Variants in EXOSC7 observed in about 807,000 individuals in gnomAD.
The protein encoded by EXOSC7 is exosome component 7.
A neutral mutation model predicts 34.3 loss-of-function variants in EXOSC7; 25 were observed. The ratio of observed to expected loss-of-function variants is 0.73; its 90% confidence interval spans 0.53 to 1.02. The LOEUF (loss-of-function observed/expected upper bound fraction) is 1.02, where lower values mean the gene tolerates loss of function less well. EXOSC7 is among the 50% of genes least tolerant of loss of function. EXOSC7 has a pLI of 0.00. For missense variants in EXOSC7, 370 were observed against 368.5 expected (o/e 1.00, Z -0.03); for synonymous variants, 130 against 143.0 (o/e 0.91, Z 0.65).
At chr3:44,985,419 G>A (rs368066482) in intron 1 of EXOSC7, among the ~76,000 whole-genome samples, 1 of 151,702 alleles carries the variant, frequency 6.6e-6, no homozygotes, top group African/African-American at 2.4e-5. Flanking sequence ...CGGCGTGTCC[G>A]GAGTTGTTCC....
At chr3:45,008,765 G>C (rs1481475073) in intron 7 of EXOSC7, among the ~76,000 whole-genome samples, 1 of 152,184 alleles carries the variant, frequency 6.6e-6, no homozygotes, top group Non-Finnish European at 1.5e-5. Flanking sequence ...TTCTACCAAA[G>C]TCCTCTAGGC....
intron 1 of EXOSC7, among the ~76,000 whole-genome samples, chr3:44,987,832 CCTT>C (rs1423472033): frequency 7.9e-5 from 12 of 152,266 alleles, no homozygotes; most frequent in South Asian, 2.1e-4. Flanking sequence ...CCAGCTTTCT[CCTT>C]CTTTGAGAAA....
At position 44,981,949 on chromosome 3, in the gene EXOSC7, G is replaced by C. The variant is rs552531496; in HGVS notation, c.57+5615G>C. On this transcript the variant is annotated intron_variant, in intron 1 of 7. Transcript: ENST00000265564. ...GCAAGAGCTGGAAAGTCCCCAGACA[G>C]CTCTGAGGTACCGCCTCTCATGGGC... Among the ~76,000 whole-genome samples, 4 of 152,294 alleles carry C rather than the reference G, an allele frequency of 2.6e-5. No homozygotes were observed. In the South Asian group the frequency reaches 8.3e-4, roughly 32 times the overall value.
At chr3:44,981,647 G>A (rs1706272459) in intron 1 of EXOSC7, among the ~76,000 whole-genome samples, 1 of 152,216 alleles carries the variant, frequency 6.6e-6, no homozygotes, top group Non-Finnish European at 1.5e-5. Flanking sequence ...GCCAGGTGCA[G>A]TGGCTCACAC....
intron 3 of EXOSC7, among the ~76,000 whole-genome samples, chr3:44,992,440 A>G (rs578256874): frequency 7.2e-5 from 11 of 152,274 alleles, no homozygotes; most frequent in Non-Finnish European, 4.4e-5. Flanking sequence ...TCTACTTGGG[A>G]TGATAATACA....
At chr3:45,012,655 G>C (rs950202481), downstream of EXOSC7, 4 of 152,214 alleles carry the variant, frequency 2.6e-5, no homozygotes, top group Non-Finnish European at 5.9e-5. Context: ...AAGTTTAGAA[G>C]CATTTGCTTT....
chr3:44,982,287 T>A (rs1706293059), intron 1 of EXOSC7, among the ~76,000 whole-genome samples: 2 of 152,224 alleles, frequency 1.3e-5, no homozygotes, highest in South Asian at 4.1e-4. Flanking sequence ...ACCCTTTGGA[T>A]TATATGCCTT....
At chr3:44,993,277 A>G (rs369722197) in intron 3 of EXOSC7, among the ~76,000 whole-genome samples, 21 of 152,152 alleles carry the variant, frequency 1.4e-4, no homozygotes, top group African/African-American at 4.8e-4. Flanking sequence ...AGGCTCAGAC[A>G]TGAGCACATG....
At chr3:45,003,250 A>G (rs1706931018) in intron 5 of EXOSC7, among the ~76,000 whole-genome samples, 1 of 152,134 alleles carries the variant, frequency 6.6e-6, no homozygotes, top group East Asian at 1.9e-4. Context: ...TAGAAGGGTA[A>G]AGGCCACCTG....
intron 4 of EXOSC7, among the ~76,000 whole-genome samples, chr3:44,999,471 C>A (rs141443680): frequency 2.0e-5 from 3 of 152,286 alleles, no homozygotes; most frequent in Admixed American, 6.5e-5. Context: ...GATGAATTCC[C>A]TGAGGTCAGG....
Sources: allele counts gnomAD v4.1 joint callset (sites outside exome capture counted in the v4.1 genomes callset), GRCh38; gene constraint gnomAD v4.1.1; transcripts MANE v1.5; gene names NCBI Gene and HGNC (gene_info 2026-07-23, HGNC 2026-07-21).